Variants in SNRPN observed in about 807,000 individuals in gnomAD.
SNRPN encodes the protein small nuclear ribonucleoprotein polypeptide N.
In SNRPN, 7 loss-of-function variants were observed where a neutral mutation model predicts 25.2. The ratio of observed to expected loss-of-function variants is 0.28; its 90% CI spans 0.16 to 0.52. SNRPN has a LOEUF of 0.52. Ranked by LOEUF, SNRPN falls within the 20% of genes least tolerant of loss-of-function variation. The pLI, the probability that SNRPN is intolerant of heterozygous loss-of-function variation, is 0.96. For synonymous variants in SNRPN, 124 were observed against 110.6 expected (o/e 1.12, Z -0.76); for missense variants, 196 against 322.5 (o/e 0.61, Z 3.00).
chr15:24,857,034 T>C (rs1400293883), intron 1 of SNRPN, among the ~76,000 whole-genome samples: 2 of 152,170 alleles, frequency 1.3e-5, no homozygotes, highest in Non-Finnish European at 2.9e-5. Context: ...ACATCTCTGG[T>C]TGAAAAGGAG....
chr15:24,869,557 A>T (rs1040405701), intron 1 of SNRPN, among the ~76,000 whole-genome samples: 1 of 152,168 alleles, frequency 6.6e-6, no homozygotes, highest in Non-Finnish European at 1.5e-5. Flanking sequence ...TGACATTAAC[A>T]TCCCCAATTT....
At chr15:24,865,293 C>T (rs1359221710) in intron 1 of SNRPN, among the ~76,000 whole-genome samples, 5 of 152,104 alleles carry the variant, frequency 3.3e-5, no homozygotes, top group East Asian at 1.9e-4. Flanking sequence ...GTAATCCACC[C>T]GCCTTGGCCT....
chr15:24,910,967 C>G, intron 2 of SNRPN: 1 of 987,362 alleles, frequency 1.0e-6, no homozygotes, highest in Non-Finnish European at 1.6e-6. Flanking sequence ...CACCCAAAAC[C>G]ACTGTTGGCA....
At chr15:24,919,499 A>G (rs565329301) in intron 2 of SNRPN, among the ~76,000 whole-genome samples, 25 of 152,228 alleles carry the variant, frequency 1.6e-4, no homozygotes, top group African/African-American at 6.0e-4. Flanking sequence ...TGATAGGTAC[A>G]GGGACCTCTG....
intron 1 of SNRPN, among the ~76,000 whole-genome samples, chr15:24,881,526 CGAGAGAGAGAGAGAGAGAGA>C (rs758798894): frequency 2.8e-5 from 2 of 72,506 alleles, no homozygotes; most frequent in Non-Finnish European, 5.7e-5. Context: ...AGCGAAACTC[CGAGAGAGAGAGAGAGAGAGA>C]GAGAGAGAGG....
chr15:24,866,051 CAT>C, intron 1 of SNRPN, among the ~76,000 whole-genome samples: 1 of 152,238 alleles, frequency 6.6e-6, no homozygotes, highest in South Asian at 2.1e-4. Context: ...TCTGTTGCTA[CAT>C]GTTAGAATTA....
At chr15:24,866,602 T>C (rs1024278493) in intron 1 of SNRPN, among the ~76,000 whole-genome samples, 7 of 152,104 alleles carry the variant, frequency 4.6e-5, no homozygotes, top group African/African-American at 7.2e-5. Flanking sequence ...TGTTTTTAAC[T>C]AGAGAAACCA....
At chr15:24,849,999 A>G (rs963100015) in intron 2 of SNRPN, 13 of 152,212 alleles carry the variant, frequency 8.5e-5, no homozygotes, top group Non-Finnish European at 1.3e-4. Context: ...ATTTTGATTC[A>G]GAGTCATCGA....
intron 1 of SNRPN, among the ~76,000 whole-genome samples, chr15:24,884,627 T>C (rs1277285132): frequency 2.6e-5 from 4 of 152,188 alleles, no homozygotes; most frequent in Admixed American, 6.5e-5. Flanking sequence ...TGGATTCTTT[T>C]AAATTTTGTT....
chr15:24,878,510 C>A (rs911077382), intron 1 of SNRPN, among the ~76,000 whole-genome samples: 1 of 152,226 alleles, frequency 6.6e-6, no homozygotes. Context: ...CCGCTTATGG[C>A]GCCCGCCGGG....
chr15:24,924,468 T>C (rs2152694728), intron 3 of SNRPN, among the ~76,000 whole-genome samples: 1 of 152,196 alleles, frequency 6.6e-6, no homozygotes, highest in South Asian at 2.1e-4. Flanking sequence ...AAGTTCCTTT[T>C]AGATAATCTG....
At chr15:24,885,587 C>G (rs1262498870) in intron 1 of SNRPN, among the ~76,000 whole-genome samples, 2 of 152,066 alleles carry the variant, frequency 1.3e-5, no homozygotes, top group Non-Finnish European at 2.9e-5. Flanking sequence ...GTTTTCCTTG[C>G]CTGAGTCTTT....
chr15:24,883,160 C>G (rs1007789174), intron 1 of SNRPN, among the ~76,000 whole-genome samples: 15 of 152,186 alleles, frequency 9.9e-5, no homozygotes, highest in African/African-American at 3.6e-4. Flanking sequence ...CTGTGAAATT[C>G]CAACTTCTGG....
intron 2 of SNRPN, among the ~76,000 whole-genome samples, chr15:24,843,545 G>A (rs896146078): frequency 2.0e-5 from 3 of 152,134 alleles, no homozygotes; most frequent in South Asian, 2.1e-4. Flanking sequence ...CACTTTGGGA[G>A]GCTGAGGCAG....
intron 3 of SNRPN, among the ~76,000 whole-genome samples, chr15:24,969,855 A>G (rs1344625012): frequency 3.3e-5 from 5 of 152,208 alleles, no homozygotes; most frequent in Non-Finnish European, 5.9e-5. Flanking sequence ...TTTTATTGGA[A>G]CACAACTCAG....
At chr15:24,909,180 C>T in intron 2 of SNRPN, 1 of 1,445,886 alleles carries the variant, frequency 6.9e-7, no homozygotes, top group South Asian at 1.1e-5. Context: ...GCATTTTCAT[C>T]TTCTTCCATT....
chr15:24,834,839 T>G (rs2050906394), intron 2 of SNRPN, among the ~76,000 whole-genome samples: 2 of 137,006 alleles, frequency 1.5e-5, no homozygotes, highest in Admixed American at 1.5e-4. Context: ...GGCAGGAGAA[T>G]CGCTTGAATC....
intron 2 of SNRPN, among the ~76,000 whole-genome samples, chr15:24,847,305 G>C (rs1389983181): frequency 6.6e-6 from 1 of 152,120 alleles, no homozygotes. Context: ...CCCAGGAACC[G>C]GAAACTTAAT....
At chr15:24,882,953 G>A (rs371057419) in intron 1 of SNRPN, among the ~76,000 whole-genome samples, 1 of 151,774 alleles carries the variant, frequency 6.6e-6, no homozygotes, top group Non-Finnish European at 1.5e-5. Context: ...CCTACATTTG[G>A]GCAAAATCAT....
Sources: allele counts gnomAD v4.1 joint callset (sites outside exome capture counted in the v4.1 genomes callset), GRCh38; gene constraint gnomAD v4.1.1; transcripts MANE v1.5; gene names NCBI Gene and HGNC (gene_info 2026-07-23, HGNC 2026-07-21).